The following VPS13B variants were observed in gnomAD, a reference collection of about 807,000 sequenced individuals.
VPS13B encodes the protein vacuolar protein sorting 13 homolog B.
A neutral mutation model predicts 426.4 loss-of-function variants in VPS13B; 285 were observed. That is an observed-to-expected ratio of 0.67 (90% confidence interval 0.61 to 0.74). The LOEUF (loss-of-function observed/expected upper bound fraction) is 0.74, where lower values mean the gene tolerates loss of function less well. Among genes scored for constraint, VPS13B ranks in the 30% least tolerant of loss-of-function variants. The probability of loss-of-function intolerance (pLI) is 0.00; values close to 1 mark genes in which losing one functional copy is unlikely to be tolerated. For synonymous variants in VPS13B, 1,676 were observed against 1,676.4 expected, an observed-to-expected ratio of 1.00 and a Z score of 0.01; for missense variants, 4,537 against 4,782.6, an observed-to-expected ratio of 0.95 and a Z score of 1.51.
At chr8:99,379,897 G>C (rs1813699858) in intron 19 of VPS13B, among the ~76,000 whole-genome samples, 1 of 151,990 alleles carries the variant, frequency 6.6e-6, no homozygotes, top group African/African-American at 2.4e-5. Context: ...TATCTACGTA[G>C]GTTTTAGAAA....
chr8:99,507,276 G>T (rs1821552504), intron 28 of VPS13B, 73 bp downstream of exon 28: 1 of 1,455,460 alleles, frequency 6.9e-7, no homozygotes, highest in African/African-American at 1.4e-5. Flanking sequence ...TCATAAAATA[G>T]GACTAATGGT....
chr8:99,108,987 G>C (rs943263662), intron 5 of VPS13B, among the ~76,000 whole-genome samples: 2 of 152,040 alleles, frequency 1.3e-5, no homozygotes, highest in Non-Finnish European at 2.9e-5. Flanking sequence ...AAAGGTCTTA[G>C]GCTTTTCTTT....
rs1336548842 is a variant in VPS13B at position 99,876,541 on chromosome 8, A to G, written c.*875A>G. 1 of 152,234 alleles carries G rather than the reference A, an allele frequency of 6.6e-6. No individual in the cohort carries two copies. The highest frequency in any genetic ancestry group is 1.5e-5 in the Non-Finnish European group (1 of 68,050). 9.4% of individuals were successfully genotyped at this position (152,234 alleles called of 1,614,324 possible). A position where few individuals can be genotyped will look rare whatever the true frequency, so the allele number is the denominator to read the frequency against. ...ACATACATAGTGGGAACTCCCTGGT[A>G]TGCCATAGAGCACACAAGAACCCCA... On this transcript the variant is annotated 3_prime_UTR_variant, in exon 62 of 62. Transcript: ENST00000357162.
Position 99,316,222 on chromosome 8 carries a change from T to G in VPS13B, c.2824+40968T>G, listed in dbSNP as rs114163570. Among the ~76,000 whole-genome samples the G allele has an allele frequency of 3.2e-3, 482 of 152,298 alleles. 2 individuals carry two copies. Among genetic ancestry groups the G allele is most frequent in the African/African-American group, 0.01 (426 of 41,562 alleles). On this transcript the variant is annotated intron_variant, in intron 19 of 61. Coordinates refer to ENST00000357162, the MANE Select transcript of VPS13B (RefSeq NM_152564.5). ...GGGTGCTTATAAATGCACAGTTGCT[T>G]TGCTACTTGGAGTGGCAGGGCCACT...
At position 99,692,644 on chromosome 8, in the gene VPS13B, A is replaced by C. The variant is rs1176875504; in HGVS notation, c.6047-6881A>C. On this transcript the variant is annotated intron_variant, in intron 35 of 61. Coordinates refer to ENST00000357162, the MANE Select transcript of VPS13B (RefSeq NM_152564.5). ...TCACAATTAAAAGAACTAGAAAAGC[A>C]AGAGCAAACACATTCAAAAGCTAGC... Among the ~76,000 whole-genome samples the C allele has an allele frequency of 6.5e-4, 84 of 128,878 alleles. 6 individuals are homozygous for C. The highest frequency in any genetic ancestry group is 2.3e-3 in the African/African-American group (75 of 32,534). The allele number at this position is 128,878 out of a possible 152,430, so 84.5% of individuals were successfully genotyped here. A position where few individuals can be genotyped will look rare whatever the true frequency, so the allele number is the denominator to read the frequency against.
intron 19 of VPS13B, among the ~76,000 whole-genome samples, chr8:99,372,904 G>A (rs1365476142): frequency 1.3e-5 from 2 of 152,182 alleles, no homozygotes; most frequent in Non-Finnish European, 1.5e-5. Context: ...GGAAAGACTT[G>A]TAACCCATCC....
At position 99,854,649 on chromosome 8, in the gene VPS13B, T is replaced by G. The variant is rs1244310586; in HGVS notation, c.10867+393T>G. On this transcript the variant is annotated intron_variant, in intron 56 of 61. Transcript: ENST00000357162. ...TTAGCAACTTGCAGGCACAGAGCCC[T>G]TTCTTAGCACACTAGAGCAACTAGG... is the stretch of plus-strand genomic sequence containing the variant. Among the ~76,000 whole-genome samples, 4 of 132,890 alleles carry G rather than the reference T, an allele frequency of 3.0e-5. No individual in the cohort carries two copies. The East Asian group carries it at 8.0e-4, about 27-fold the overall frequency. The allele number at this position is 132,890 out of a possible 152,430, so 87.2% of individuals were successfully genotyped here.
rs1809972770 is a variant in VPS13B at position 99,134,577 on chromosome 8, A to G, written c.1207-55A>G. 5 of 1,371,100 alleles carry G rather than the reference A, an allele frequency of 3.6e-6. No homozygotes were observed. The Admixed American group carries it at 7.4e-5, about 20-fold the overall frequency. The allele number at this position is 1,371,100 out of a possible 1,614,324, so 84.9% of individuals were successfully genotyped here. A position where few individuals can be genotyped will look rare whatever the true frequency, so the allele number is the denominator to read the frequency against. On this transcript the variant is annotated intron_variant, in intron 8 of 61. Transcript: ENST00000357162. Reference sequence around the variant, plus strand: ...TAATCAATTAATCATCATAATGACAATTTATTGCTCTTTAATACTAAATTT... The same window carrying G: ...TAATCAATTAATCATCATAATGACAGTTTATTGCTCTTTAATACTAAATTT...
chr8:99,482,546 T>A (rs1342997411), intron 25 of VPS13B, among the ~76,000 whole-genome samples: 1 of 152,170 alleles, frequency 6.6e-6, no homozygotes, highest in African/African-American at 2.4e-5. Flanking sequence ...GTGAATATGA[T>A]GGCTGCAAAT....
chr8:99,138,416 C>T (rs554637500), intron 12 of VPS13B, among the ~76,000 whole-genome samples: 18 of 152,340 alleles, frequency 1.2e-4, no homozygotes, highest in Non-Finnish European at 2.1e-4. Flanking sequence ...CGTGAGCCAC[C>T]GCACTCAGCC....
intron 54 of VPS13B, among the ~76,000 whole-genome samples, chr8:99,838,945 G>A (rs886378269): frequency 6.6e-6 from 1 of 152,234 alleles, no homozygotes; most frequent in Admixed American, 6.5e-5. Flanking sequence ...TGCGGCTGTA[G>A]CGCCAAATGA....
At chr8:99,170,272 T>C (rs956933957) in intron 16 of VPS13B, 109 bp downstream of exon 16, 6 of 1,373,048 alleles carry the variant, frequency 4.4e-6, no homozygotes, top group Admixed American at 2.2e-5. Flanking sequence ...TACAAAACTT[T>C]AGAAAAAAAA....
At position 99,661,506 on chromosome 8, in the gene VPS13B, A is replaced by C; in HGVS notation, c.6046+15A>C. The C allele has an allele frequency of 1.2e-6, 2 of 1,611,440 alleles. No individual in the cohort carries two copies. Among genetic ancestry groups the C allele is most frequent in the Non-Finnish European group, 1.7e-6 (2 of 1,179,440 alleles). The stretch of plus-strand genomic sequence containing the variant: ...GAATGGACCAGGTAAGAAAGTCATA[A>C]AATTTACATGTGTGTACATTTTTTA... On this transcript the variant is annotated intron_variant, in intron 35 of 61. Transcript: ENST00000357162.
At chr8:99,106,981 C>T (rs1012043590) in intron 5 of VPS13B, among the ~76,000 whole-genome samples, 6 of 152,040 alleles carry the variant, frequency 3.9e-5, no homozygotes, top group African/African-American at 7.2e-5. Flanking sequence ...AATGCTATAG[C>T]GAACATTTTC....
At chr8:99,293,096 C>G (rs1819828187) in intron 19 of VPS13B, among the ~76,000 whole-genome samples, 1 of 151,324 alleles carries the variant, frequency 6.6e-6, no homozygotes, top group African/African-American at 2.4e-5. Flanking sequence ...CAATCCTAAG[C>G]CAAAAGAACA....
intron 55 of VPS13B, among the ~76,000 whole-genome samples, chr8:99,850,223 C>A (rs62534622): frequency 0.08 from 3,425 of 42,822 alleles, 42 homozygotes; most frequent in Middle Eastern, 0.18. Context: ...TTATACATAC[C>A]TACATAAGTA....
At chr8:99,130,609 C>A (rs957286661) in intron 8 of VPS13B, among the ~76,000 whole-genome samples, 1 of 152,034 alleles carries the variant, frequency 6.6e-6, no homozygotes, top group African/African-American at 2.4e-5. Flanking sequence ...CCAGGATGGT[C>A]TCGATCTCCT....
chr8:99,351,328 T>G (rs1811865473), intron 19 of VPS13B, among the ~76,000 whole-genome samples: 1 of 152,186 alleles, frequency 6.6e-6, no homozygotes, highest in Admixed American at 6.5e-5. Context: ...CCTTTTATGG[T>G]TCTGAAAAGG....
intron 36 of VPS13B, among the ~76,000 whole-genome samples, chr8:99,701,798 T>G (rs1451251159): frequency 6.6e-6 from 1 of 152,164 alleles, no homozygotes. Flanking sequence ...CACCAAAATC[T>G]ATTTTTAGTA....
Sources: allele counts gnomAD v4.1 joint callset (sites outside exome capture counted in the v4.1 genomes callset), GRCh38; gene constraint gnomAD v4.1.1; transcripts MANE v1.5; gene names NCBI Gene and HGNC (gene_info 2026-07-23, HGNC 2026-07-21).